ZCCHC14: variants seen among roughly 807,000 people sequenced by gnomAD.
ZCCHC14 encodes the protein zinc finger CCHC domain-containing protein 14.
Under a neutral mutation model 85.0 loss-of-function variants are expected in ZCCHC14, and 16 were observed. That is an observed-to-expected ratio of 0.19 (90% CI 0.13 to 0.29). The LOEUF (loss-of-function observed/expected upper bound fraction) is 0.29, where lower values mean the gene tolerates loss of function less well. Ranked by LOEUF, ZCCHC14 falls within the 10% of genes least tolerant of loss-of-function variation. The probability of loss-of-function intolerance (pLI) is 1.00; values close to 1 mark genes in which losing one functional copy is unlikely to be tolerated. For synonymous variants in ZCCHC14, 775 were observed against 630.7 expected (o/e 1.23, Z -3.43); for missense variants, 1,303 against 1,443.5 (o/e 0.90, Z 1.58).
intron 2 of ZCCHC14, among the ~76,000 whole-genome samples, chr16:87,434,359 C>A (rs1338795417): frequency 6.6e-6 from 1 of 152,352 alleles, no homozygotes; most frequent in South Asian, 2.1e-4. Flanking sequence ...CCCGGCTCTG[C>A]CAGCTTCCAC....
chr16:87,429,198 T>C (rs1909524873), intron 3 of ZCCHC14, among the ~76,000 whole-genome samples: 1 of 152,136 alleles, frequency 6.6e-6, no homozygotes, highest in African/African-American at 2.4e-5. Context: ...CTGAGGTGGG[T>C]GGGGCCGGCG....
Position 87,407,944 on chromosome 16 carries a change from G to A in ZCCHC14, c.*2336C>T, listed in dbSNP as rs1485376900. On this transcript the variant is annotated 3_prime_UTR_variant, in exon 13 of 13. Transcript: ENST00000671377. ...CTGCGCTGTGTAGCTCCTACTTACA[G>A]CTGACGATTCTCGACTTCGGACGGC... 6.5e-6 allele frequency: 1 copy of A among 152,696 alleles called. No homozygotes were observed. The highest frequency in any genetic ancestry group is 2.4e-5 in the African/African-American group (1 of 41,446). The allele number at this position is 152,696 out of a possible 1,614,324, so 9.5% of individuals were successfully genotyped here.
chr16:87,479,933 T>C (rs1912189553), intron 1 of ZCCHC14, among the ~76,000 whole-genome samples: 1 of 151,718 alleles, frequency 6.6e-6, no homozygotes, highest in African/African-American at 2.4e-5. Flanking sequence ...AGTTTTTTCT[T>C]CTTCTTTTTC....
chr16:87,432,171 G>A (rs1408941878), intron 3 of ZCCHC14, among the ~76,000 whole-genome samples: 4 of 152,138 alleles, frequency 2.6e-5, no homozygotes, highest in Admixed American at 6.5e-5. Context: ...CTCCAATGAC[G>A]CTGGGAACCG....
At chr16:87,455,209 C>T (rs1199883873) in intron 2 of ZCCHC14, among the ~76,000 whole-genome samples, 3 of 152,060 alleles carry the variant, frequency 2.0e-5, no homozygotes, top group Non-Finnish European at 4.4e-5. Context: ...AATCACTTGA[C>T]CCCAGGAGGT....
At chr16:87,489,772 TAAA>T (rs985845663) in intron 1 of ZCCHC14, among the ~76,000 whole-genome samples, 2 of 152,204 alleles carry the variant, frequency 1.3e-5, no homozygotes, top group African/African-American at 4.8e-5. Context: ...GGCTCTCCTA[TAAA>T]AGACATTTTT....
At chr16:87,428,986 G>A (rs956570953) in intron 3 of ZCCHC14, among the ~76,000 whole-genome samples, 2 of 152,176 alleles carry the variant, frequency 1.3e-5, no homozygotes, top group Non-Finnish European at 2.9e-5. Flanking sequence ...TGACAGTCTT[G>A]GAACGTTACA....
In ZCCHC14 at chr16:87,491,719, C is replaced by T. The variant is rs767247766; in HGVS notation, c.520G>A (p.Gly174Ser). Residue 174 changes from glycine to serine, a missense_variant, in exon 1 of 13, where the codon GGC becomes AGC. Physicochemically the swap from Gly to Ser is moderately conservative, Grantham distance 56 (BLOSUM62 0). This residue lies in a region of ZCCHC14 where 389 missense variants were observed against 397.8 expected (regional missense o/e 0.98). Coordinates refer to ENST00000671377, the MANE Select transcript of ZCCHC14 (RefSeq NM_015144.3). This position sits in a 1 kb window ranked among gnomAD's most constrained non-coding sequence, Gnocchi z 5.9. ...AGCGCGCCGCCCGGCCCGGGCGCGC[C>T]CTTGCCGCCGTGGCCCCCGCCGCCG... The part of the protein sequence containing the change: ...LNGGGGHGGK[G>S]APGPGGALPT... 3 of 1,551,526 alleles carry T rather than the reference C, an allele frequency of 1.9e-6. No homozygotes were observed. The South Asian group carries it at 3.6e-5, about 19-fold the overall frequency.
Position 87,438,487 on chromosome 16 carries a change from C to T in ZCCHC14, c.695-5286G>A, listed in dbSNP as rs529418625. Among the ~76,000 whole-genome samples the T allele has an allele frequency of 2.6e-5, 4 of 152,266 alleles. No individual in the cohort carries two copies. In the South Asian group the frequency reaches 6.2e-4, roughly 24 times the overall value. On this transcript the variant is annotated intron_variant, in intron 2 of 12. Transcript: ENST00000671377. ...GTAGCAACTCACAGTTAATGACACACGGGAAGGAGACGGAATGATGCCTCC... is the reference window on the plus strand; with the variant it reads ...GTAGCAACTCACAGTTAATGACACATGGGAAGGAGACGGAATGATGCCTCC...
rs1338097836 is a variant in ZCCHC14, at chr16:87,491,364, G to A, written c.570+305C>T. 6.6e-6 allele frequency among the ~76,000 whole-genome samples: 1 copy of A among 152,182 alleles called. No homozygotes were observed. The highest frequency in any genetic ancestry group is 1.5e-5 in the Non-Finnish European group (1 of 68,028). On this transcript the variant is annotated intron_variant, in intron 1 of 12. Coordinates refer to ENST00000671377, the MANE Select transcript of ZCCHC14 (RefSeq NM_015144.3). This position sits in a 1 kb window ranked among gnomAD's most constrained non-coding sequence, Gnocchi z 5.9. ...GGCTTAAAGTGCAGACTTAGGGTGAGGAGTGCGGGCTTAGGATGGGGGCTT... is the reference window on the plus strand; with the variant it reads ...GGCTTAAAGTGCAGACTTAGGGTGAAGAGTGCGGGCTTAGGATGGGGGCTT...
chr16:87,483,960 T>C (rs1287444319), intron 1 of ZCCHC14, among the ~76,000 whole-genome samples: 1 of 152,218 alleles, frequency 6.6e-6, no homozygotes, highest in Admixed American at 6.5e-5. Context: ...TAGGGCCTGA[T>C]TAAATAACAC....
At chr16:87,448,712 A>G (rs186709295) in intron 2 of ZCCHC14, among the ~76,000 whole-genome samples, 5 of 152,256 alleles carry the variant, frequency 3.3e-5, no homozygotes, top group Admixed American at 3.3e-4. Context: ...TCATCTGACA[A>G]ATGCAATATC....
chr16:87,469,606 T>C (rs549600222), intron 1 of ZCCHC14, among the ~76,000 whole-genome samples: 3 of 152,234 alleles, frequency 2.0e-5, no homozygotes, highest in Non-Finnish European at 2.9e-5. Flanking sequence ...TTTCTAGTAC[T>C]GTGAACTGGA....
intron 2 of ZCCHC14, among the ~76,000 whole-genome samples, chr16:87,454,537 T>TG (rs1429240443): frequency 6.6e-6 from 1 of 152,156 alleles, no homozygotes; most frequent in East Asian, 1.9e-4. Flanking sequence ...TTAGCCAGAA[T>TG]GAAGGCAAAA....
intron 2 of ZCCHC14, among the ~76,000 whole-genome samples, chr16:87,436,317 GCGGCCCCCCGCCAGGGCACCTC>G (rs1256049043): frequency 6.6e-6 from 1 of 152,258 alleles, no homozygotes; most frequent in Non-Finnish European, 1.5e-5. Flanking sequence ...CTGGGCAGTG[GCGGCCCCCCGCCAGGGCACCTC>G]CGGGCCCAGG....
intron 1 of ZCCHC14, among the ~76,000 whole-genome samples, chr16:87,487,501 C>A (rs1385503402): frequency 6.6e-6 from 1 of 152,204 alleles, no homozygotes; most frequent in Non-Finnish European, 1.5e-5. Flanking sequence ...TTCCCTGCCA[C>A]CTCCAGCTGC....
chr16:87,423,669 C>T (rs182135806), intron 4 of ZCCHC14, 141 bp downstream of exon 4: 1 of 884,370 alleles, frequency 1.1e-6, no homozygotes, highest in East Asian at 2.5e-5. Flanking sequence ...TGGGACTCCA[C>T]TGTGGCTGGG....
At chr16:87,421,626 G>T (rs1261749806) in intron 4 of ZCCHC14, among the ~76,000 whole-genome samples, 1 of 152,112 alleles carries the variant, frequency 6.6e-6, no homozygotes, top group Non-Finnish European at 1.5e-5. Context: ...GGCCGAGAGG[G>T]TAGAGAGTGC....
At chr16:87,488,098 A>T (rs1429948460) in intron 1 of ZCCHC14, among the ~76,000 whole-genome samples, 1 of 152,180 alleles carries the variant, frequency 6.6e-6, no homozygotes, top group Non-Finnish European at 1.5e-5. Context: ...CTTCACTGTA[A>T]AAGGGTGAAG....
Sources: gnomAD v4.1 joint callset for allele counts (sites outside exome capture counted in the v4.1 genomes callset) on GRCh38, gnomAD v4.1.1 for gene constraint, gnomAD v4.1.1 regional missense constraint, Gnocchi (gnomAD v3.1) non-coding constraint, MANE v1.5 for transcripts, NCBI Gene and HGNC (gene_info 2026-07-23, HGNC 2026-07-21) for gene names.